SNX6: variants seen among roughly 807,000 people sequenced by gnomAD.
SNX6 encodes the protein sorting nexin-6.
SNX6 carries 34 observed loss-of-function variants against 63.0 expected under a neutral mutation model. The ratio of observed to expected loss-of-function variants is 0.54; its 90% CI spans 0.41 to 0.72. The LOEUF is 0.72. Ranked by LOEUF, SNX6 falls within the 30% of genes least tolerant of loss-of-function variation. SNX6 has a pLI of 0.00. For synonymous variants in SNX6, 170 were observed against 164.2 expected, an observed-to-expected ratio of 1.04 and a Z score of -0.27; for missense variants, 398 against 471.4, an observed-to-expected ratio of 0.84 and a Z score of 1.44.
At chr14:34,578,937 C>CAAAAAAAAAAAAAAAAAAACAAAAA (rs1881824346) in intron 10 of SNX6, among the ~76,000 whole-genome samples, 1 of 22,538 alleles carries the variant, frequency 4.4e-5, no homozygotes, top group Non-Finnish European at 9.3e-5. Flanking sequence ...GACTTCATCT[C>CAAAAAAAAAAAAAAAAAAACAAAAA]AAAAAAAAAA....
At chr14:34,604,007 C>G in intron 5 of SNX6, 1 of 599,820 alleles carries the variant, frequency 1.7e-6, no homozygotes, top group Non-Finnish European at 2.2e-6. Context: ...TATTTTAATA[C>G]CAGCAGTGAA....
chr14:34,589,952 T>G (rs1208378947), intron 8 of SNX6, among the ~76,000 whole-genome samples: 1 of 151,948 alleles, frequency 6.6e-6, no homozygotes, highest in African/African-American at 2.4e-5. Flanking sequence ...CTCTACCCCC[T>G]CAGCAGCAAC....
rs1881935827 is a variant in SNX6, at chr14:34,581,553, G to C, written c.834+8C>G. On this transcript the variant is annotated splice_region_variant and intron_variant, in intron 10 of 13. Coordinates refer to ENST00000362031, the MANE Select transcript of SNX6 (RefSeq NM_152233.4). ...TTATGCAGTATATCTCTATAATTTAGTACTTACTCTTGTTTTATCGAACAG... is the reference window on the plus strand; with the variant it reads ...TTATGCAGTATATCTCTATAATTTACTACTTACTCTTGTTTTATCGAACAG... 5.6e-6 allele frequency: 8 copies of C among 1,419,812 alleles called. No individual in the cohort carries two copies. The highest frequency in any genetic ancestry group is 1.4e-5 in the African/African-American group (1 of 71,404). The allele number at this position is 1,419,812 out of a possible 1,614,324, so 88.0% of individuals were successfully genotyped here.
intron 2 of SNX6, among the ~76,000 whole-genome samples, chr14:34,628,303 CA>C: frequency 6.6e-6 from 1 of 152,054 alleles, no homozygotes; most frequent in East Asian, 1.9e-4. Flanking sequence ...ACTAAAAATA[CA>C]AAAAATTAGC....
intron 2 of SNX6, among the ~76,000 whole-genome samples, chr14:34,626,329 T>C (rs1172776317): frequency 6.6e-6 from 1 of 152,020 alleles, no homozygotes; most frequent in Non-Finnish European, 1.5e-5. Context: ...TGCTCTTTTG[T>C]CTTCCTCTCC....
intron 2 of SNX6, among the ~76,000 whole-genome samples, chr14:34,622,777 T>C (rs539568822): frequency 3.3e-5 from 5 of 152,248 alleles, no homozygotes; most frequent in South Asian, 4.1e-4. Flanking sequence ...AGCCAGGCCC[T>C]AGAGCTAGAT....
Position 34,583,440 on chromosome 14 carries a change from T to TTTC in SNX6, c.795-1841_795-1840insGAA, listed in dbSNP as rs769215458. 8.4e-4 allele frequency among the ~76,000 whole-genome samples: 45 copies of TTTC among 53,594 alleles called. 3 individuals carry two copies. Among genetic ancestry groups the TTTC allele is most frequent in the Admixed American group, 6.4e-4 (5 of 7,760 alleles). The allele number at this position is 53,594 out of a possible 152,430, so 35.2% of individuals were successfully genotyped here. On this transcript the variant is annotated intron_variant, in intron 9 of 13. Transcript: ENST00000362031. ...GAAATTGGTTATTCATTTTTTTCTTTTTTTTTTTTTTGAGATGGGCTATCA... is the reference window on the plus strand; with the variant it reads ...GAAATTGGTTATTCATTTTTTTCTTTTTCTTTTTTTTTTTGAGATGGGCTATCA...
chr14:34,629,466 T>G, intron 2 of SNX6: 1 of 468,458 alleles, frequency 2.1e-6, no homozygotes. Context: ...ACCTGTACTA[T>G]TTGAGAGAGA....
At chr14:34,627,162 G>A (rs1883858802) in intron 2 of SNX6, among the ~76,000 whole-genome samples, 1 of 152,118 alleles carries the variant, frequency 6.6e-6, no homozygotes, top group Admixed American at 6.6e-5. Context: ...AAAAAAAATT[G>A]TTGGCCAGGC....
At chr14:34,604,888 T>TCC (rs1266393088) in intron 5 of SNX6, among the ~76,000 whole-genome samples, 1 of 150,990 alleles carries the variant, frequency 6.6e-6, no homozygotes, top group African/African-American at 2.4e-5. Context: ...CAAAATGCAC[T>TCC]CCCAGGGATT....
intron 10 of SNX6, among the ~76,000 whole-genome samples, chr14:34,579,529 C>T (rs1266160643): frequency 6.6e-6 from 1 of 152,068 alleles, no homozygotes; most frequent in African/African-American, 2.4e-5. Context: ...GATGCTTGAG[C>T]TCAAGAGTTT....
At chr14:34,575,726 A>G in intron 11 of SNX6, 30 bp downstream of exon 11, 2 of 1,288,416 alleles carry the variant, frequency 1.6e-6, no homozygotes, top group Non-Finnish European at 2.2e-6. Flanking sequence ...TGTTTGTAAA[A>G]TGGCTCATTT....
Position 34,567,666 on chromosome 14 carries a change from A to C in SNX6, c.1167+20T>G. 5 of 1,582,480 alleles carry C rather than the reference A, an allele frequency of 3.2e-6. No individual in the cohort carries two copies. Among genetic ancestry groups the C allele is most frequent in the Non-Finnish European group, 4.3e-6 (5 of 1,154,068 alleles). On this transcript the variant is annotated intron_variant, in intron 13 of 13. Coordinates refer to ENST00000362031, the MANE Select transcript of SNX6 (RefSeq NM_152233.4). Reference sequence around the variant, plus strand: ...ATATTACATGTAACTTAAATTATTAAATCTTTATTACAACACTACCTTTGC... The same window carrying C: ...ATATTACATGTAACTTAAATTATTACATCTTTATTACAACACTACCTTTGC...
chr14:34,563,229 A>T, intron 13 of SNX6, 54 bp from the exon 14 acceptor site: 1 of 1,480,458 alleles, frequency 6.8e-7, no homozygotes. Context: ...AATTCAGAAG[A>T]CTCCTACTGA....
At chr14:34,618,364 A>AGG (rs112034794) in intron 2 of SNX6, among the ~76,000 whole-genome samples, 9 of 151,512 alleles carry the variant, frequency 5.9e-5, no homozygotes, top group African/African-American at 2.2e-4. Flanking sequence ...CTTTTTGGGG[A>AGG]GGGGGGGATG....
At chr14:34,607,537 G>A (rs995671162) in intron 4 of SNX6, among the ~76,000 whole-genome samples, 2 of 152,126 alleles carry the variant, frequency 1.3e-5, no homozygotes, top group African/African-American at 4.8e-5. Context: ...CTGAATCCAG[G>A]AGGCAGAGGT....
chr14:34,612,264 G>A (rs895750846), intron 2 of SNX6, among the ~76,000 whole-genome samples: 21 of 152,038 alleles, frequency 1.4e-4, no homozygotes, highest in African/African-American at 5.1e-4. Flanking sequence ...GATGTTTATT[G>A]TGGTAGGCTG....
chr14:34,575,214 T>G (rs1881643285), intron 11 of SNX6, among the ~76,000 whole-genome samples: 1 of 150,568 alleles, frequency 6.6e-6, no homozygotes, highest in Admixed American at 6.7e-5. Context: ...TTTTTTTTTT[T>G]TGAGACAGAG....
At position 34,590,297 on chromosome 14, in the gene SNX6, G is replaced by A. The variant is rs557585651; in HGVS notation, c.718+2748C>T. Among the ~76,000 whole-genome samples the A allele has an allele frequency of 9.2e-5, 14 of 151,798 alleles. No homozygotes were observed. In the South Asian group the frequency reaches 2.5e-3, roughly 27 times the overall value. On this transcript the variant is annotated intron_variant, in intron 8 of 13. Coordinates refer to ENST00000362031, the MANE Select transcript of SNX6 (RefSeq NM_152233.4). The stretch of plus-strand genomic sequence containing the variant: ...CAAAAAATTAGCCGGGCGTGGTGGC[G>A]GGCACCTGTAGTCCCAGGTTCTCGG...
Sources: allele counts gnomAD v4.1 joint callset (sites outside exome capture counted in the v4.1 genomes callset), GRCh38; gene constraint gnomAD v4.1.1; transcripts MANE v1.5; gene names NCBI Gene and HGNC (gene_info 2026-07-23, HGNC 2026-07-21).